ARHGEF16: variants seen among roughly 807,000 people sequenced by gnomAD.
ARHGEF16 encodes Rho guanine nucleotide exchange factor 16.
ARHGEF16 carries 59 observed loss-of-function variants against 74.1 expected under a neutral mutation model. The observed-to-expected ratio is 0.80, with a 90% CI of 0.65 to 0.99. The LOEUF (loss-of-function observed/expected upper bound fraction) is 0.99. ARHGEF16 is among the 50% of genes least tolerant of loss of function. The pLI is 0.00. For synonymous variants in ARHGEF16, 415 were observed against 412.6 expected, an observed-to-expected ratio of 1.01 and a Z score of -0.07; for missense variants, 948 against 986.6, an observed-to-expected ratio of 0.96 and a Z score of 0.52.
chr1:3,474,605 T>C (rs1413869116), intron 8 of ARHGEF16, 103 bp from the exon 9 acceptor site: 4 of 1,126,458 alleles, frequency 3.6e-6, no homozygotes, highest in African/African-American at 1.5e-5. Flanking sequence ...TGGGGGCAGC[T>C]GTTGACCACC....
chr1:3,471,793 T>C (rs1569864050), intron 6 of ARHGEF16: 1 of 1,094,446 alleles, frequency 9.1e-7, no homozygotes, highest in East Asian at 1.1e-4. Flanking sequence ...CTATTTGGGG[T>C]AAGCGGCTGG....
chr1:3,478,188 G>T (rs182103805), intron 11 of ARHGEF16, 162 bp downstream of exon 11: 29 of 1,089,262 alleles, frequency 2.7e-5, no homozygotes, highest in Middle Eastern at 2.8e-4. Context: ...TCGGGGGCAG[G>T]TGGCGCTCGC....
chr1:3,474,854 A>G (rs1377318525), intron 9 of ARHGEF16, 72 bp downstream of exon 9: 2 of 1,306,906 alleles, frequency 1.5e-6, no homozygotes, highest in Non-Finnish European at 1.1e-6. Context: ...ACCCCACCCT[A>G]CCCGATGGCA....
intron 12 of ARHGEF16, 67 bp from the exon 13 acceptor site, chr1:3,479,450 A>T: frequency 6.4e-7 from 1 of 1,560,312 alleles, no homozygotes; most frequent in Non-Finnish European, 8.8e-7. Context: ...TGGCTGTCAG[A>T]AGTCAAGGAA....
intron 5 of ARHGEF16, among the ~76,000 whole-genome samples, chr1:3,469,203 G>A (rs953295630): frequency 1.3e-5 from 2 of 152,180 alleles, no homozygotes; most frequent in Non-Finnish European, 2.9e-5. Flanking sequence ...GACGGGGGTC[G>A]TTGCCCAGCT....
At chr1:3,478,686 GCCTTGCTCGCTGTT>G (rs2100761965) in intron 12 of ARHGEF16, 74 bp downstream of exon 12, 1 of 1,477,220 alleles carries the variant, frequency 6.8e-7, no homozygotes, top group East Asian at 2.4e-5. Flanking sequence ...TTGTCCCCCT[GCCTTGCTCGCTGTT>G]GCATGGCTGG....
intron 11 of ARHGEF16, 192 bp downstream of exon 11, chr1:3,478,218 T>C: frequency 1.1e-6 from 1 of 921,958 alleles, no homozygotes; most frequent in African/African-American, 1.7e-5. Context: ...TCTGACCTCC[T>C]CTGCAGACCT....
chr1:3,455,943 A>G (rs1220610582), intron 1 of ARHGEF16, among the ~76,000 whole-genome samples: 2 of 152,190 alleles, frequency 1.3e-5, no homozygotes, highest in Non-Finnish European at 2.9e-5. Context: ...GCAGAGGGGA[A>G]CAGGGTGAGA....
chr1:3,473,346 C>A, intron 7 of ARHGEF16, 47 bp from the exon 8 acceptor site: 1 of 1,579,364 alleles, frequency 6.3e-7, no homozygotes, highest in Non-Finnish European at 8.6e-7. Flanking sequence ...GATTTTGGTA[C>A]AGGCTGGCCA....
In ARHGEF16 at chr1:3,466,632, G is replaced by A. The variant is rs59161000; in HGVS notation, c.634+439G>A. Among the ~76,000 whole-genome samples, 1,202 of 152,306 alleles carry A rather than the reference G, an allele frequency of 7.9e-3. 19 individuals are homozygous for A. The highest frequency in any genetic ancestry group is 0.028 in the African/African-American group (1,158 of 41,558). ...GCGGTGGTGCACACTCAGCCTGCTC[G>A]GGGGAGATGAGAACATCCCACAGGG... On this transcript the variant is annotated intron_variant, in intron 3 of 14. Coordinates refer to ENST00000378378, the MANE Select transcript of ARHGEF16 (RefSeq NM_014448.4).
chr1:3,459,807 G>A (rs1415940611), intron 1 of ARHGEF16, among the ~76,000 whole-genome samples: 5 of 152,118 alleles, frequency 3.3e-5, no homozygotes, highest in South Asian at 2.1e-4. Flanking sequence ...GCCTTCTGCC[G>A]GCACAGGCAT....
intron 1 of ARHGEF16, among the ~76,000 whole-genome samples, chr1:3,459,437 C>T (rs563496899): frequency 6.6e-6 from 1 of 152,282 alleles, no homozygotes; most frequent in East Asian, 1.9e-4. Flanking sequence ...GAGGAAGAAA[C>T]AAGACATTTT....
At position 3,479,562 on chromosome 1, in the gene ARHGEF16, A is replaced by T. The variant is rs1639997744; in HGVS notation, c.1860A>T (p.Arg620Ser). The T allele has an allele frequency of 6.2e-7, 1 of 1,612,404 alleles. No homozygotes were observed. Among genetic ancestry groups the T allele is most frequent in the African/African-American group, 1.3e-5 (1 of 74,894 alleles). Residue 620 changes from arginine to serine, a missense_variant, in exon 13 of 15, where the codon AGA (arginine) becomes AGT (serine). Coordinates refer to ENST00000378378, the MANE Select transcript of ARHGEF16 (RefSeq NM_014448.4). Reference protein sequence around the residue: ...RWIVALTHSERQWQGLSSKGD... With the variant: ...RWIVALTHSESQWQGLSSKGD... ...TCGTGGCGCTCACACACAGTGAGAGACAGTGGCAGGGCCTCTCCAGCAAAG... is the reference window on the plus strand; with the variant it reads ...TCGTGGCGCTCACACACAGTGAGAGTCAGTGGCAGGGCCTCTCCAGCAAAG...
chr1:3,471,575 TC>T, intron 6 of ARHGEF16: 1 of 1,052,846 alleles, frequency 9.5e-7, no homozygotes, highest in Non-Finnish European at 1.2e-6. Context: ...CGGCTGCCCC[TC>T]CCCCAGCTCT....
chr1:3,463,412 G>A lies in ARHGEF16; in HGVS notation c.328G>A (p.Ala110Thr). The change falls in exon 2 of 15, where the codon GCG becomes ACG. Residue 110 changes from alanine to threonine, a missense_variant. Coordinates refer to ENST00000378378, the MANE Select transcript of ARHGEF16 (RefSeq NM_014448.4). Reference sequence around the variant, plus strand: ...CCCAGCCCGCCACCAGAGCTTCGGGGCGGCTGTACTTAGCAGGGAGGCCGC... The same window carrying A: ...CCCAGCCCGCCACCAGAGCTTCGGGACGGCTGTACTTAGCAGGGAGGCCGC... ...KTPARHQSFG[A>T]AVLSREAARR... The A allele has an allele frequency of 1.3e-6, 2 of 1,550,036 alleles. No individual in the cohort carries two copies. Among genetic ancestry groups the A allele is most frequent in the Non-Finnish European group, 1.7e-6 (2 of 1,146,800 alleles).
intron 6 of ARHGEF16, 150 bp from the exon 7 acceptor site, chr1:3,472,928 T>G (rs547015831): frequency 1.0e-4 from 42 of 414,076 alleles, no homozygotes; most frequent in Non-Finnish European, 1.4e-4. Context: ...CCGCCCCAAG[T>G]GCTTGCTGTG....
At chr1:3,463,965 T>TCC (rs1279779580) in intron 2 of ARHGEF16, among the ~76,000 whole-genome samples, 1 of 152,142 alleles carries the variant, frequency 6.6e-6, no homozygotes, top group Non-Finnish European at 1.5e-5. Flanking sequence ...AAGGGCCCAG[T>TCC]CCCTGTTTCC....
At chr1:3,473,636 T>C in intron 8 of ARHGEF16, 114 bp downstream of exon 8, 1 of 1,513,366 alleles carries the variant, frequency 6.6e-7, no homozygotes, top group Non-Finnish European at 9.0e-7. Flanking sequence ...AGGCTTGGCC[T>C]ATGATATTGT....
At position 3,479,370 on chromosome 1, in the gene ARHGEF16, C is replaced by T; in HGVS notation, c.1815-147C>T. ...TGGGGTGACTTGGGGGTTAGCCTGC[C>T]TGGCACAGTCTGCCCAGCCACTCCT... On this transcript the variant is annotated intron_variant, in intron 12 of 14. Coordinates refer to ENST00000378378, the MANE Select transcript of ARHGEF16 (RefSeq NM_014448.4). 5 of 879,926 alleles carry T rather than the reference C, an allele frequency of 5.7e-6. No homozygotes were observed. The South Asian group carries it at 8.0e-5, about 14-fold the overall frequency. The allele number at this position is 879,926 out of a possible 1,614,324, so 54.5% of individuals were successfully genotyped here.
Sources: allele counts gnomAD v4.1 joint callset (sites outside exome capture counted in the v4.1 genomes callset), GRCh38; gene constraint gnomAD v4.1.1; transcripts MANE v1.5; gene names NCBI Gene and HGNC (gene_info 2026-07-23, HGNC 2026-07-21).